EPB41L4B: variants seen among roughly 807,000 people sequenced by gnomAD.
EPB41L4B encodes the protein band 4.1-like protein 4B.
Under a neutral mutation model 112.5 loss-of-function variants are expected in EPB41L4B, and 30 were observed. That is an observed-to-expected ratio of 0.27 (90% CI 0.20 to 0.36). EPB41L4B has a LOEUF of 0.36. Among genes scored for constraint, EPB41L4B ranks in the 10% least tolerant of loss-of-function variants. EPB41L4B has a pLI of 1.00. For synonymous variants in EPB41L4B, 408 were observed against 439.7 expected, an observed-to-expected ratio of 0.93 and a Z score of 0.90; for missense variants, 1,024 against 1,133.3, an observed-to-expected ratio of 0.90 and a Z score of 1.38.
intron 1 of EPB41L4B, among the ~76,000 whole-genome samples, chr9:109,311,519 C>A (rs1272267338): frequency 6.6e-6 from 1 of 152,134 alleles, no homozygotes; most frequent in Non-Finnish European, 1.5e-5. Flanking sequence ...GGGACAGGAC[C>A]CTTGGGATAT....
chr9:109,195,065 C>T (rs1158178448), intron 20 of EPB41L4B, among the ~76,000 whole-genome samples: 1 of 152,208 alleles, frequency 6.6e-6, no homozygotes, highest in Non-Finnish European at 1.5e-5. Context: ...TGTTCCCACT[C>T]TTTTGGCTAT....
At chr9:109,280,934 C>T (rs59501306) in intron 1 of EPB41L4B, among the ~76,000 whole-genome samples, 2,618 of 152,074 alleles carry the variant, frequency 0.017, 80 homozygotes, top group African/African-American at 0.06. Flanking sequence ...TAAGAGTAGA[C>T]GGCAGCATAT....
rs574601216 is a variant in EPB41L4B at position 109,175,454 on chromosome 9, G to A, written c.2634-831C>T. ...GTCCAGTTGCATATCTATGTAACCT[G>A]TCTCCACTGTTTAAACACACACACA... On this transcript the variant is annotated intron_variant, in intron 25 of 25. Transcript: ENST00000374566. Among the ~76,000 whole-genome samples the A allele has an allele frequency of 3.6e-5, 5 of 138,266 alleles. No individual in the cohort carries two copies. The South Asian group carries it at 7.0e-4, about 19-fold the overall frequency. 90.7% of individuals were successfully genotyped at this position (138,266 alleles called of 152,430 possible).
At position 109,295,305 on chromosome 9, in the gene EPB41L4B, A is replaced by T. The variant is rs564796571; in HGVS notation, c.307-15384T>A. Among the ~76,000 whole-genome samples, 36 of 152,312 alleles carry T rather than the reference A, an allele frequency of 2.4e-4. No individual in the cohort carries two copies. In the Middle Eastern group the frequency reaches 0.01, roughly 43 times the overall value. Reference sequence around the variant, plus strand: ...TCAAAGCTAACTTTCTACCCAAGCTAATTTTATGTAAACAATATTTTTATC... The same window carrying T: ...TCAAAGCTAACTTTCTACCCAAGCTTATTTTATGTAAACAATATTTTTATC... On this transcript the variant is annotated intron_variant, in intron 1 of 25. Coordinates refer to ENST00000374566, the MANE Select transcript of EPB41L4B (RefSeq NM_019114.5).
chr9:109,267,071 G>A (rs1835433913), intron 4 of EPB41L4B, among the ~76,000 whole-genome samples: 1 of 151,732 alleles, frequency 6.6e-6, no homozygotes, highest in African/African-American at 2.4e-5. Flanking sequence ...TCTTAAAGAG[G>A]TTCCTTGTAT....
chr9:109,253,869 T>C (rs539338391), intron 11 of EPB41L4B, among the ~76,000 whole-genome samples: 15 of 152,338 alleles, frequency 9.8e-5, no homozygotes, highest in African/African-American at 3.4e-4. Context: ...TAAAATAACC[T>C]TTCACAGAAC....
chr9:109,217,064 G>A lies in EPB41L4B; in HGVS notation c.1491C>T (p.Leu497=). The change falls in exon 16 of 26, where the codon CTC becomes CTT. Residue 497 remains leucine, a synonymous_variant. Transcript: ENST00000374566. ...GIEENGGTPF[L]TAASGRHHHQ... ...GGTGATGCCTTCCTGAAGCTGCGGT[G>A]AGGAACGGTGTGCCCCCATTCTCCT... is the stretch of plus-strand genomic sequence containing the variant. The A allele has an allele frequency of 1.2e-6, 2 of 1,614,224 alleles. No individual in the cohort carries two copies. Among genetic ancestry groups the A allele is most frequent in the Non-Finnish European group, 1.7e-6 (2 of 1,180,046 alleles).
In EPB41L4B at chr9:109,258,172, G is replaced by T. The variant is rs1237378990; in HGVS notation, c.752+5C>A. 2 of 1,609,882 alleles carry T rather than the reference G, an allele frequency of 1.2e-6. No homozygotes were observed. The highest frequency in any genetic ancestry group is 1.7e-6 in the Non-Finnish European group (2 of 1,177,024). On this transcript the variant is annotated splice_donor_5th_base_variant and intron_variant, in intron 7 of 25. Transcript: ENST00000374566. ...TCAGAATGCTAGACGGTTGCATCAAGGTACCTGCACTCTTTCCATCTCTGG... is the reference window on the plus strand; with the variant it reads ...TCAGAATGCTAGACGGTTGCATCAATGTACCTGCACTCTTTCCATCTCTGG...
At chr9:109,199,672 GA>G (rs1832757056) in intron 20 of EPB41L4B, among the ~76,000 whole-genome samples, 1 of 151,946 alleles carries the variant, frequency 6.6e-6, no homozygotes, top group South Asian at 2.1e-4. Context: ...GTCTCAAAAA[GA>G]AAAAAAGTGA....
At chr9:109,224,024 T>TAAAATAAAATA (rs948715507) in intron 15 of EPB41L4B, among the ~76,000 whole-genome samples, 3 of 150,540 alleles carry the variant, frequency 2.0e-5, no homozygotes, top group African/African-American at 7.3e-5. Flanking sequence ...ATCTCAAAAA[T>TAAAATAAAATA]AAAATAAAAT....
intron 15 of EPB41L4B, among the ~76,000 whole-genome samples, chr9:109,223,942 C>T (rs1564277317): frequency 6.6e-6 from 1 of 152,016 alleles, no homozygotes; most frequent in Non-Finnish European, 1.5e-5. Context: ...TTACTTGAAC[C>T]CAGGAAGTGA....
At chr9:109,270,817 G>A (rs1352389117) in intron 2 of EPB41L4B, among the ~76,000 whole-genome samples, 1 of 152,150 alleles carries the variant, frequency 6.6e-6, no homozygotes, top group African/African-American at 2.4e-5. Flanking sequence ...CTCCTTGGCT[G>A]TGCTTTTTGA....
chr9:109,285,642 G>A (rs1021363882), intron 1 of EPB41L4B, among the ~76,000 whole-genome samples: 4 of 152,102 alleles, frequency 2.6e-5, no homozygotes, highest in African/African-American at 9.7e-5. Context: ...TGGGTTACCA[G>A]GTAGAATGAA....
intron 1 of EPB41L4B, chr9:109,301,153 C>G (rs770378989): frequency 1.3e-5 from 2 of 152,258 alleles, no homozygotes; most frequent in Admixed American, 1.3e-4. Flanking sequence ...TTAGCCCCAA[C>G]GCCCTGAGAT....
chr9:109,189,040 C>T (rs1431511663), intron 22 of EPB41L4B, among the ~76,000 whole-genome samples: 3 of 152,256 alleles, frequency 2.0e-5, no homozygotes, highest in African/African-American at 4.8e-5. Flanking sequence ...GCTCAGTCAA[C>T]GCCAATGCCC....
Position 109,310,333 on chromosome 9 carries a change from CA to C in EPB41L4B, c.306+9807del, listed in dbSNP as rs1837371462. Reference sequence around the variant, plus strand: ...ATAAAGAAAAGAAAGGGATGAAAGACAAACTTCAGGAGGGAGGGAGGGAGGG... The same window carrying C: ...ATAAAGAAAAGAAAGGGATGAAAGACAACTTCAGGAGGGAGGGAGGGAGGG... On this transcript the variant is annotated intron_variant, in intron 1 of 25. Coordinates refer to ENST00000374566, the MANE Select transcript of EPB41L4B (RefSeq NM_019114.5). Among the ~76,000 whole-genome samples, 5 of 137,050 alleles carry C rather than the reference CA, an allele frequency of 3.6e-5. No homozygotes were observed. In the South Asian group the frequency reaches 1.3e-3, roughly 37 times the overall value. 89.9% of individuals were successfully genotyped at this position (137,050 alleles called of 152,430 possible).
chr9:109,203,787 G>C, intron 18 of EPB41L4B, 57 bp from the exon 19 acceptor site: 1 of 1,407,334 alleles, frequency 7.1e-7, no homozygotes, highest in African/African-American at 1.4e-5. Context: ...TGCAAAAAAT[G>C]TTTTCAAGTC....
In EPB41L4B at chr9:109,233,420, A is replaced by G. The variant is rs184123520; in HGVS notation, c.1409+10198T>C. Among the ~76,000 whole-genome samples, 532 of 152,274 alleles carry G rather than the reference A, an allele frequency of 3.5e-3. 5 individuals carry two copies. The highest frequency in any genetic ancestry group is 0.012 in the African/African-American group (518 of 41,548). On this transcript the variant is annotated intron_variant, in intron 15 of 25. Coordinates refer to ENST00000374566, the MANE Select transcript of EPB41L4B (RefSeq NM_019114.5). ...CCCAAACAGGAAAGGAAACACAGATATTCAAAATCAATTCCTTTCCCTTTG... is the reference window on the plus strand; with the variant it reads ...CCCAAACAGGAAAGGAAACACAGATGTTCAAAATCAATTCCTTTCCCTTTG...
intron 1 of EPB41L4B, among the ~76,000 whole-genome samples, chr9:109,314,958 C>G (rs1012517756): frequency 6.6e-6 from 1 of 152,140 alleles, no homozygotes; most frequent in African/African-American, 2.4e-5. Flanking sequence ...CAAACCTTCA[C>G]CCTCCCCAAC....
Sources: gnomAD v4.1 joint callset for allele counts (sites outside exome capture counted in the v4.1 genomes callset) on GRCh38, gnomAD v4.1.1 for gene constraint, MANE v1.5 for transcripts, NCBI Gene and HGNC (gene_info 2026-07-23, HGNC 2026-07-21) for gene names.